TMEM232: variants seen among roughly 807,000 people sequenced by gnomAD.
TMEM232 encodes the protein transmembrane protein 232.
Under a neutral mutation model 78.8 loss-of-function variants are expected in TMEM232, and 80 were observed. That is an observed-to-expected ratio of 1.01 (90% CI 0.85 to 1.22). The LOEUF is 1.22. TMEM232 is among the 50% of genes most tolerant of loss of function. The pLI is 0.00. For synonymous variants in TMEM232, 297 were observed against 254.3 expected (o/e 1.17, Z -1.60); for missense variants, 881 against 742.2 (o/e 1.19, Z -2.17).
chr5:110,660,483 A>G (rs1271107417), intron 2 of TMEM232, among the ~76,000 whole-genome samples: 1 of 152,156 alleles, frequency 6.6e-6, no homozygotes, highest in East Asian at 1.9e-4. Context: ...AAGGAGGCCT[A>G]AGAAGAAAGA....
intron 12 of TMEM232, among the ~76,000 whole-genome samples, chr5:110,449,854 A>C (rs1215693460): frequency 6.6e-6 from 1 of 152,114 alleles, no homozygotes; most frequent in African/African-American, 2.4e-5. Context: ...AAGCACTATG[A>C]ACCTCTGAAT....
intron 12 of TMEM232, among the ~76,000 whole-genome samples, chr5:110,461,651 CT>C (rs1373420045): frequency 6.6e-6 from 1 of 152,162 alleles, no homozygotes; most frequent in African/African-American, 2.4e-5. Flanking sequence ...GAAGTCAATG[CT>C]TGGCTTCAAA....
chr5:110,508,492 A>G (rs1183095233), intron 12 of TMEM232, among the ~76,000 whole-genome samples: 3 of 151,334 alleles, frequency 2.0e-5, no homozygotes, highest in Non-Finnish European at 4.4e-5. Context: ...ATGTCACACA[A>G]TTTTTAGACA....
chr5:110,500,828 C>T (rs1019344200), intron 12 of TMEM232, among the ~76,000 whole-genome samples: 1 of 152,182 alleles, frequency 6.6e-6, no homozygotes, highest in African/African-American at 2.4e-5. Context: ...GGGTCTGGAA[C>T]AGCCACTTAC....
rs780968369 is a variant in TMEM232 at position 110,568,567 on chromosome 5, T to A, written c.1335A>T (p.Ser445=). Residue 445 remains serine (S), a synonymous_variant, in exon 11 of 14, where the codon TCA becomes TCT. Transcript: ENST00000455884. ...GTTCTTCGTCTCCTTGAAGTTCCCA[T>A]GAAATTTTCACCAGGTTATACACTA... ...YGLVYNLVKI[S]WELQGDEEQD... is the part of the protein sequence containing the mutation. 1.3e-6 allele frequency: 2 copies of A among 1,549,714 alleles called. No individual in the cohort carries two copies. The highest frequency in any genetic ancestry group is 1.2e-5 in the South Asian group (1 of 83,978).
chr5:110,484,342 A>G (rs1303072562), intron 12 of TMEM232, among the ~76,000 whole-genome samples: 1 of 152,174 alleles, frequency 6.6e-6, no homozygotes, highest in African/African-American at 2.4e-5. Context: ...AATCGAAAAA[A>G]TATAATGTTT....
At chr5:110,591,010 T>C (rs1779456819) in intron 10 of TMEM232, among the ~76,000 whole-genome samples, 2 of 152,140 alleles carry the variant, frequency 1.3e-5, no homozygotes, top group South Asian at 4.1e-4. Context: ...TCCCTCAACG[T>C]GTGGGGATTA....
At chr5:110,445,496 G>A (rs1367969884) in intron 12 of TMEM232, among the ~76,000 whole-genome samples, 2 of 152,058 alleles carry the variant, frequency 1.3e-5, no homozygotes, top group Admixed American at 6.6e-5. Flanking sequence ...ATGGGTTTCT[G>A]GGGCATGTTG....
chr5:110,542,790 C>G (rs947322738), intron 11 of TMEM232, among the ~76,000 whole-genome samples: 1 of 152,108 alleles, frequency 6.6e-6, no homozygotes, highest in Admixed American at 6.6e-5. Flanking sequence ...GCTACTTACT[C>G]CCTTTGCAAC....
At position 110,527,825 on chromosome 5, in the gene TMEM232, GA is replaced by G. The variant is rs553822040; in HGVS notation, c.1703+762del. On this transcript the variant is annotated intron_variant, in intron 12 of 13. Coordinates refer to ENST00000455884, the MANE Select transcript of TMEM232 (RefSeq NM_001039763.4). The stretch of plus-strand genomic sequence containing the variant: ...TATAGTAAATGTATTAAAATTACTA[GA>G]AAAAATATAACAATATATTCTTCAA... 1.4e-4 allele frequency among the ~76,000 whole-genome samples: 21 copies of G among 151,882 alleles called. No homozygotes were observed. In the South Asian group the frequency reaches 3.5e-3, roughly 26 times the overall value.
intron 12 of TMEM232, among the ~76,000 whole-genome samples, chr5:110,480,749 C>T (rs988812831): frequency 6.6e-6 from 1 of 151,912 alleles, no homozygotes; most frequent in African/African-American, 2.4e-5. Flanking sequence ...GCATAAAAGA[C>T]CAACTATTCC....
chr5:110,550,528 G>A (rs1774322413), intron 11 of TMEM232, among the ~76,000 whole-genome samples: 1 of 151,890 alleles, frequency 6.6e-6, no homozygotes, highest in South Asian at 2.1e-4. Flanking sequence ...AATAAGATTG[G>A]TGGGTAAAAA....
chr5:110,394,272 A>G (rs529446540), intron 3 of TMEM232, among the ~76,000 whole-genome samples: 2 of 152,168 alleles, frequency 1.3e-5, no homozygotes, highest in Non-Finnish European at 2.9e-5. Context: ...TGCAGTTGCA[A>G]ATATCAAGAT....
At chr5:110,429,312 G>A (rs1046201841) in intron 12 of TMEM232, among the ~76,000 whole-genome samples, 8 of 151,800 alleles carry the variant, frequency 5.3e-5, no homozygotes, top group African/African-American at 1.9e-4. Flanking sequence ...TTAGATTCAT[G>A]AAAAGATACA....
At chr5:110,641,062 T>G in intron 3 of TMEM232, 66 bp from the exon 4 acceptor site, 1 of 1,007,718 alleles carries the variant, frequency 9.9e-7, no homozygotes, top group Non-Finnish European at 1.4e-6. Flanking sequence ...TATTTATTTT[T>G]AACTCTTAAT....
chr5:110,642,394 A>C, intron 2 of TMEM232, 23 bp from the exon 3 acceptor site: 1 of 1,475,104 alleles, frequency 6.8e-7, no homozygotes, highest in Non-Finnish European at 9.0e-7. Flanking sequence ...TTGAAAAATT[A>C]ACATTTAAAA....
chr5:110,421,416 AATATATAT>A (rs898036917), intron 13 of TMEM232, among the ~76,000 whole-genome samples: 1 of 150,018 alleles, frequency 6.7e-6, no homozygotes, highest in Non-Finnish European at 1.5e-5. Flanking sequence ...CATCATGAAA[AATATATAT>A]ATATATATAA....
chr5:110,406,934 T>C (rs1024719985), intron 2 of TMEM232, among the ~76,000 whole-genome samples: 1 of 152,112 alleles, frequency 6.6e-6, no homozygotes, highest in African/African-American at 2.4e-5. Flanking sequence ...TAACTTGTTA[T>C]GTCTTTAAAA....
At chr5:110,668,732 A>G (rs1790941922) in intron 1 of TMEM232, among the ~76,000 whole-genome samples, 1 of 152,192 alleles carries the variant, frequency 6.6e-6, no homozygotes, top group African/African-American at 2.4e-5. Flanking sequence ...TTGGAAGTAA[A>G]GCACTTCTCA....
Sources: gnomAD v4.1 joint callset for allele counts (sites outside exome capture counted in the v4.1 genomes callset) on GRCh38, gnomAD v4.1.1 for gene constraint, MANE v1.5 for transcripts, NCBI Gene and HGNC (gene_info 2026-07-23, HGNC 2026-07-21) for gene names.